Variants in EYA2 observed in about 807,000 individuals in gnomAD.
The protein encoded by EYA2 is EYA transcriptional coactivator and phosphatase 2.
A neutral mutation model predicts 69.2 loss-of-function variants in EYA2; 31 were observed. That is an observed-to-expected ratio of 0.45 (90% confidence interval 0.34 to 0.60). The LOEUF (loss-of-function observed/expected upper bound fraction) is 0.60. Among genes scored for constraint, EYA2 ranks in the 20% least tolerant of loss-of-function variants. EYA2 has a pLI of 0.02. For missense variants in EYA2, 622 were observed against 701.2 expected (o/e 0.89, Z 1.28); for synonymous variants, 257 against 279.4 (o/e 0.92, Z 0.80).
intron 5 of EYA2, among the ~76,000 whole-genome samples, chr20:47,061,285 G>A (rs2030871719): frequency 6.6e-6 from 1 of 152,176 alleles, no homozygotes; most frequent in Admixed American, 6.5e-5. Context: ...TCAGCACTTT[G>A]GGAGGCCTAG....
intron 8 of EYA2, chr20:47,095,675 G>C (rs1251205502): frequency 1.3e-5 from 2 of 152,124 alleles, no homozygotes; most frequent in East Asian, 3.9e-4. Flanking sequence ...TAAAAAAAAT[G>C]ATGAAAGAAT....
chr20:47,129,982 G>A (rs2033297102), intron 9 of EYA2, among the ~76,000 whole-genome samples: 1 of 149,864 alleles, frequency 6.7e-6, no homozygotes, highest in Admixed American at 6.6e-5. Context: ...CAGGGGAGCA[G>A]TTGTGCCCCC....
chr20:47,136,438 C>T (rs918616187), intron 9 of EYA2, among the ~76,000 whole-genome samples: 2 of 152,108 alleles, frequency 1.3e-5, no homozygotes, highest in Admixed American at 1.3e-4. Context: ...GGGCCGCCTA[C>T]GTGGTGAAAG....
At chr20:47,072,731 G>C (rs2146474451) in intron 6 of EYA2, among the ~76,000 whole-genome samples, 1 of 152,232 alleles carries the variant, frequency 6.6e-6, no homozygotes, top group East Asian at 1.9e-4. Flanking sequence ...TGATTCTCTT[G>C]GTGTCACTTA....
chr20:47,120,297 G>GC (rs1427785722), intron 9 of EYA2, among the ~76,000 whole-genome samples: 60 of 152,092 alleles, frequency 3.9e-4, no homozygotes, highest in Admixed American at 3.9e-3. Flanking sequence ...GATCGCTTGA[G>GC]CCCAGGAGTT....
intron 10 of EYA2, among the ~76,000 whole-genome samples, chr20:47,151,851 A>G (rs1474823629): frequency 1.3e-5 from 2 of 152,024 alleles, no homozygotes; most frequent in Non-Finnish European, 2.9e-5. Context: ...GTTCACTGCT[A>G]TAACTGGCAC....
At chr20:46,972,833 A>G (rs923568563) in intron 1 of EYA2, among the ~76,000 whole-genome samples, 8 of 152,230 alleles carry the variant, frequency 5.3e-5, no homozygotes, top group Non-Finnish European at 8.8e-5. Flanking sequence ...GGAGTGTGCA[A>G]TGAGGAAAGA....
intron 1 of EYA2, among the ~76,000 whole-genome samples, chr20:46,909,048 A>G (rs1182990730): frequency 2.6e-5 from 4 of 151,824 alleles, no homozygotes; most frequent in Non-Finnish European, 5.9e-5. Context: ...CTTTCTCAGG[A>G]GTTTTTCCTG....
At chr20:47,000,644 C>A (rs1393032300) in intron 2 of EYA2, among the ~76,000 whole-genome samples, 1 of 152,150 alleles carries the variant, frequency 6.6e-6, no homozygotes. Flanking sequence ...AAATTATCCC[C>A]GGGCAAACGT....
chr20:47,119,019 C>T (rs754818220), intron 9 of EYA2, among the ~76,000 whole-genome samples: 1 of 152,178 alleles, frequency 6.6e-6, no homozygotes, highest in Non-Finnish European at 1.5e-5. Flanking sequence ...ATAGAGCTTG[C>T]TGCTCACGAT....
chr20:47,000,822 G>A (rs1786710003), intron 2 of EYA2, among the ~76,000 whole-genome samples: 1 of 152,116 alleles, frequency 6.6e-6, no homozygotes, highest in Non-Finnish European at 1.5e-5. Flanking sequence ...GGAGATGATC[G>A]AAGTGGTTCC....
In EYA2 at chr20:47,070,788, G is replaced by C. The variant is rs186288297; in HGVS notation, c.416-1397G>C. ...ACTGTACACTTTAAAATGGTTAAGA[G>C]GGTAAATTTTATGTTGTATATATAC... On this transcript the variant is annotated intron_variant, in intron 5 of 15. Coordinates refer to ENST00000327619, the MANE Select transcript of EYA2 (RefSeq NM_005244.5). Among the ~76,000 whole-genome samples, 449 of 152,128 alleles carry C rather than the reference G, an allele frequency of 3.0e-3. 1 individual carries two copies. The highest frequency in any genetic ancestry group is 0.01 in the African/African-American group (423 of 41,508).
rs112820054 is a variant in EYA2 at position 47,001,250 on chromosome 20, A to C, written c.110-178A>C. On this transcript the variant is annotated intron_variant, in intron 2 of 15. Transcript: ENST00000327619. ...GAAGTGCACCCAGAAAGGGCTCCGA[A>C]CTCCTCAAGAAGAAGAGTGCTGAGA... Among the ~76,000 whole-genome samples the C allele has an allele frequency of 3.9e-4, 60 of 151,998 alleles. 1 individual carries two copies. Among genetic ancestry groups the C allele is most frequent in the African/African-American group, 1.4e-3 (56 of 41,464 alleles).
intron 9 of EYA2, among the ~76,000 whole-genome samples, chr20:47,140,136 T>A (rs1193051909): frequency 1.3e-5 from 2 of 152,200 alleles, no homozygotes; most frequent in African/African-American, 4.8e-5. Flanking sequence ...GGTGCACGAA[T>A]TGCTCCGTCA....
chr20:47,173,731 C>T (rs955566369), intron 12 of EYA2, among the ~76,000 whole-genome samples: 7 of 152,120 alleles, frequency 4.6e-5, no homozygotes, highest in African/African-American at 1.7e-4. Context: ...CCAGAATCTG[C>T]ATTTTTGACA....
At chr20:46,968,813 T>TAC (rs1232183646) in intron 1 of EYA2, among the ~76,000 whole-genome samples, 3 of 151,736 alleles carry the variant, frequency 2.0e-5, no homozygotes, top group African/African-American at 7.3e-5. Context: ...TAAGAACCTC[T>TAC]ACGCTAAAAG....
chr20:47,034,277 T>C (rs931343058), intron 5 of EYA2, among the ~76,000 whole-genome samples: 2 of 152,260 alleles, frequency 1.3e-5, no homozygotes, highest in African/African-American at 4.8e-5. Flanking sequence ...CAGACAAATT[T>C]ATTTAAGTAA....
chr20:47,001,060 A>G (rs1982334656), intron 2 of EYA2, among the ~76,000 whole-genome samples: 1 of 152,112 alleles, frequency 6.6e-6, no homozygotes, highest in Admixed American at 6.5e-5. Context: ...TTCACTTCCT[A>G]GTTGTGCTGC....
rs1029716157 is a variant in EYA2, at chr20:47,185,340, G to A, written c.1536+1949G>A. Among the ~76,000 whole-genome samples the A allele has an allele frequency of 2.1e-4, 24 of 112,716 alleles. No homozygotes were observed. The East Asian group carries it at 2.3e-3, about 11-fold the overall frequency. 73.9% of individuals were successfully genotyped at this position (112,716 alleles called of 152,430 possible). A position where few individuals can be genotyped will look rare whatever the true frequency, so the allele number is the denominator to read the frequency against. On this transcript the variant is annotated intron_variant, in intron 15 of 15. Transcript: ENST00000327619. Reference sequence around the variant, plus strand: ...TTTTGAGACAGAATCTCACTGTGTCGCCCAGGCTGGAGTGCAGTAGCATGA... The same window carrying A: ...TTTTGAGACAGAATCTCACTGTGTCACCCAGGCTGGAGTGCAGTAGCATGA...
Sources: allele counts gnomAD v4.1 joint callset (sites outside exome capture counted in the v4.1 genomes callset), GRCh38; gene constraint gnomAD v4.1.1; transcripts MANE v1.5; gene names NCBI Gene and HGNC (gene_info 2026-07-23, HGNC 2026-07-21).